The following NTF3 variants were observed in gnomAD, a reference collection of about 807,000 sequenced individuals.
The protein encoded by NTF3 is neurotrophin-3.
Under a neutral mutation model 26.3 loss-of-function variants are expected in NTF3, and 8 were observed. That is an observed-to-expected ratio of 0.30 (90% CI 0.18 to 0.55). The LOEUF is 0.55. Among genes scored for constraint, NTF3 ranks in the 20% least tolerant of loss-of-function variants. The pLI is 0.93. For synonymous variants in NTF3, 154 were observed against 145.5 expected (o/e 1.06, Z -0.42); for missense variants, 276 against 352.9 (o/e 0.78, Z 1.75).
chr12:5,486,880 GGTGTGTGTGTGTGTGTGTGT>G (rs10527557), intron 1 of NTF3, among the ~76,000 whole-genome samples: 4 of 148,700 alleles, frequency 2.7e-5, no homozygotes, highest in African/African-American at 9.9e-5. Context: ...GTAGTTACGT[GGTGTGTGTGTGTGTGTGTGT>G]GTGTGTGTGT....
upstream of NTF3, among the ~76,000 whole-genome samples, chr12:5,430,378 C>T (rs1940069901): frequency 6.6e-6 from 1 of 151,998 alleles, no homozygotes; most frequent in Admixed American, 6.6e-5. Context: ...GGGAACGACT[C>T]GGCAGCCTCT....
rs1940989881 is a variant in NTF3 at position 5,494,916 on chromosome 12, C to T, written c.741C>T (p.Leu247=). 3 of 1,614,136 alleles carry T rather than the reference C, an allele frequency of 1.9e-6. No homozygotes were observed. Among genetic ancestry groups the T allele is most frequent in the Non-Finnish European group, 2.5e-6 (3 of 1,180,014 alleles). Residue 247 remains leucine, a synonymous_variant, in exon 2 of 2, where the codon CTC becomes CTT. Transcript: ENST00000423158. The surrounding 1 kb of genome is among the most constrained non-coding windows in gnomAD (Gnocchi z 8.3). ...VRALTSENNK[L]VGWRWIRIDT... is the part of the protein sequence containing the mutation. ...CACTGACTTCAGAGAACAATAAACT[C>T]GTGGGCTGGCGGTGGATACGGATAG...
chr12:5,472,527 C>T (rs990500395), intron 1 of NTF3, among the ~76,000 whole-genome samples: 1 of 152,216 alleles, frequency 6.6e-6, no homozygotes, highest in African/African-American at 2.4e-5. Context: ...GCCACCCTCA[C>T]TTTCTCCCTC....
intron 1 of NTF3, among the ~76,000 whole-genome samples, chr12:5,493,557 C>T (rs553983145): frequency 7.3e-4 from 111 of 152,238 alleles, no homozygotes; most frequent in South Asian, 2.1e-3. Flanking sequence ...CTCGGCAGAG[C>T]ACCCTGGAAC....
At chr12:5,459,038 G>C (rs1225446345) in intron 1 of NTF3, among the ~76,000 whole-genome samples, 1 of 152,228 alleles carries the variant, frequency 6.6e-6, no homozygotes, top group Admixed American at 6.5e-5. Flanking sequence ...GGGCAGGTTT[G>C]ACTGTAACAA....
At chr12:5,461,089 G>A (rs1861836) in intron 1 of NTF3, among the ~76,000 whole-genome samples, 39,903 of 152,010 alleles carry the variant, frequency 0.26, 5,835 homozygotes, top group East Asian at 0.51. Context: ...GTTCAAGGGA[G>A]AACTATACTT....
intron 1 of NTF3, among the ~76,000 whole-genome samples, chr12:5,450,072 G>C (rs1940354147): frequency 6.6e-6 from 1 of 152,172 alleles, no homozygotes; most frequent in South Asian, 2.1e-4. Flanking sequence ...TGTCCCCAAA[G>C]CCTCGGTGGG....
rs368790687 is a variant in NTF3 at position 5,467,516 on chromosome 12, T to G, written c.19-26678T>G. Among the ~76,000 whole-genome samples, 3 of 152,318 alleles carry G rather than the reference T, an allele frequency of 2.0e-5. No homozygotes were observed. In the East Asian group the frequency reaches 5.8e-4, roughly 29 times the overall value. On this transcript the variant is annotated intron_variant, in intron 1 of 1. Transcript: ENST00000423158. Reference sequence around the variant, plus strand: ...TTCTTAGGACATATTCCCTTGAGTGTCTTTTATTATTTCGTTGATTGATTA... The same window carrying G: ...TTCTTAGGACATATTCCCTTGAGTGGCTTTTATTATTTCGTTGATTGATTA...
At position 5,495,292 on chromosome 12, in the gene NTF3, T is replaced by TA; in HGVS notation, c.*308dup. 2.6e-5 allele frequency: 9 copies of TA among 340,474 alleles called. 1 individual carries two copies. In the South Asian group the frequency reaches 3.4e-4, roughly 13 times the overall value. 21.1% of individuals were successfully genotyped at this position (340,474 alleles called of 1,614,324 possible). On this transcript the variant is annotated 3_prime_UTR_variant, in exon 2 of 2. Transcript: ENST00000423158. The stretch of plus-strand genomic sequence containing the variant: ...ATGACTGTTGTTTTAGTAAACTTGT[T>TA]AAAATCAGATGATGTCAGAGTTGTG...
At chr12:5,455,533 A>AAC (rs60429736) in intron 1 of NTF3, among the ~76,000 whole-genome samples, 3,221 of 103,738 alleles carry the variant, frequency 0.031, 84 homozygotes, top group Middle Eastern at 0.094. Flanking sequence ...ACCCCTCCCC[A>AAC]ACACACACAC....
At chr12:5,462,656 G>A (rs1215689648) in intron 1 of NTF3, among the ~76,000 whole-genome samples, 1 of 152,160 alleles carries the variant, frequency 6.6e-6, no homozygotes, top group African/African-American at 2.4e-5. Flanking sequence ...CCTCAGTGAA[G>A]GCAGATGGAG....
chr12:5,481,757 C>G (rs1353499358), intron 1 of NTF3, among the ~76,000 whole-genome samples: 5 of 151,146 alleles, frequency 3.3e-5, no homozygotes, highest in Non-Finnish European at 7.4e-5. Flanking sequence ...CACACATATG[C>G]ACACCATACA....
chr12:5,469,520 A>G (rs1940638199), intron 1 of NTF3, among the ~76,000 whole-genome samples: 1 of 152,162 alleles, frequency 6.6e-6, no homozygotes, highest in Admixed American at 6.5e-5. Context: ...TGTGATTGTC[A>G]CAGTGCACAG....
chr12:5,440,622 C>T (rs1056983610), intron 1 of NTF3, among the ~76,000 whole-genome samples: 2 of 152,228 alleles, frequency 1.3e-5, no homozygotes, highest in Admixed American at 1.3e-4. Flanking sequence ...CCCAGTCCTC[C>T]TAACACCCAC....
chr12:5,483,453 T>A (rs541261091), intron 1 of NTF3, among the ~76,000 whole-genome samples: 1 of 152,250 alleles, frequency 6.6e-6, no homozygotes, highest in South Asian at 2.1e-4. Flanking sequence ...CTCATCCAGG[T>A]ACTGAATGAG....
chr12:5,451,662 ATG>A (rs1940374222), intron 1 of NTF3, among the ~76,000 whole-genome samples: 1 of 152,132 alleles, frequency 6.6e-6, no homozygotes, highest in Admixed American at 6.5e-5. Context: ...GTGTCTGTAT[ATG>A]TGTATTTCCT....
intron 1 of NTF3, among the ~76,000 whole-genome samples, chr12:5,466,791 G>A (rs1940595219): frequency 6.6e-6 from 1 of 152,354 alleles, no homozygotes; most frequent in East Asian, 1.9e-4. Context: ...GTTTCCCGGG[G>A]AGGGGGGACT....
Position 5,494,446 on chromosome 12 carries a change from G to T in NTF3, c.271G>T (p.Ala91Ser). The T allele has an allele frequency of 6.2e-7, 1 of 1,613,400 alleles. No homozygotes were observed. The highest frequency in any genetic ancestry group is 8.5e-7 in the Non-Finnish European group (1 of 1,180,002). Residue 91 changes from alanine (A) to serine (S), a missense_variant, in exon 2 of 2, where the codon GCC (alanine) becomes TCC (serine). Physicochemically the swap from Ala to Ser is moderately conservative, Grantham distance 99 (BLOSUM62 1). This residue lies in a region of NTF3 where 221 missense variants were observed against 258.2 expected (regional missense o/e 0.86). Coordinates refer to ENST00000423158, the MANE Select transcript of NTF3 (RefSeq NM_001102654.2). This position sits in a 1 kb window ranked among gnomAD's most constrained non-coding sequence, Gnocchi z 8.3. ...APREPERGGP[A>S]KSAFQPVIAM... Reference sequence around the variant, plus strand: ...CCGAGAGCCGGAGCGGGGAGGGCCCGCCAAGTCAGCATTCCAGCCGGTGAT... The same window carrying T: ...CCGAGAGCCGGAGCGGGGAGGGCCCTCCAAGTCAGCATTCCAGCCGGTGAT...
At chr12:5,475,260 G>A (rs755974034) in intron 1 of NTF3, among the ~76,000 whole-genome samples, 20 of 152,116 alleles carry the variant, frequency 1.3e-4, no homozygotes, top group Non-Finnish European at 2.8e-4. Flanking sequence ...AGGAGGGATC[G>A]GAGTGTCCAG....
Sources: gnomAD v4.1 joint callset for allele counts (sites outside exome capture counted in the v4.1 genomes callset) on GRCh38, gnomAD v4.1.1 for gene constraint, gnomAD v4.1.1 regional missense constraint, Gnocchi (gnomAD v3.1) non-coding constraint, MANE v1.5 for transcripts, NCBI Gene and HGNC (gene_info 2026-07-23, HGNC 2026-07-21) for gene names.